Variants in RBM4B observed in about 807,000 individuals in gnomAD.
RBM4B encodes the protein RNA binding motif protein 4B, also known as RNA-binding protein 4B.
RBM4B carries 13 observed loss-of-function variants against 28.5 expected under a neutral mutation model. The observed-to-expected ratio is 0.46, with a 90% CI of 0.30 to 0.72. The LOEUF (loss-of-function observed/expected upper bound fraction) is 0.72. RBM4B is among the 30% of genes least tolerant of loss of function. The probability of loss-of-function intolerance (pLI) is 0.09; values close to 1 mark genes in which losing one functional copy is unlikely to be tolerated. For synonymous variants in RBM4B, 167 were observed against 179.1 expected (o/e 0.93, Z 0.54); for missense variants, 387 against 477.6 (o/e 0.81, Z 1.77).
intron 3 of RBM4B, chr11:66,666,772 AAC>A (rs1590878956): frequency 1.3e-5 from 2 of 152,208 alleles, no homozygotes; most frequent in Admixed American, 1.3e-4. Flanking sequence ...TTCACACATA[AAC>A]ACAGACTAGC....
Position 66,668,872 on chromosome 11 carries a change from T to C in RBM4B, c.832A>G (p.Asn278Asp), listed in dbSNP as rs1366385159. The C allele has an allele frequency of 1.2e-6, 2 of 1,614,030 alleles. No individual in the cohort carries two copies. The highest frequency in any genetic ancestry group is 2.7e-5 in the African/African-American group (2 of 74,924). Reference protein sequence around the residue: ...VDPYDRHLLPNSGAAATSAAM... With the variant: ...VDPYDRHLLPDSGAAATSAAM... Reference sequence around the variant, plus strand: ...GCTGAAGTGGCAGCAGCGCCAGAGTTTGGCAATAGGTGTCTGTCATAGGGA... The same window carrying C: ...GCTGAAGTGGCAGCAGCGCCAGAGTCTGGCAATAGGTGTCTGTCATAGGGA... The change falls in exon 3 of 4, where the codon AAC becomes GAC. Residue 278 changes from asparagine to aspartate, a missense_variant. Transcript: ENST00000310046.
Position 66,665,564 on chromosome 11 carries a change from C to G in RBM4B, c.*24G>C. 2 of 1,534,944 alleles carry G rather than the reference C, an allele frequency of 1.3e-6. No homozygotes were observed. Among genetic ancestry groups the G allele is most frequent in the South Asian group, 2.4e-5 (2 of 84,018 alleles). ...TATGACCGCAGCCCGAGGGTTCAGTCCGCAATTATCCTACCTGAAAGAGAG... is the reference window on the plus strand; with the variant it reads ...TATGACCGCAGCCCGAGGGTTCAGTGCGCAATTATCCTACCTGAAAGAGAG... On this transcript the variant is annotated 3_prime_UTR_variant, in exon 4 of 4. Transcript: ENST00000310046.
At chr11:66,666,421 G>C in intron 3 of RBM4B, 1 of 988,090 alleles carries the variant, frequency 1.0e-6, no homozygotes, top group Non-Finnish European at 1.2e-6. Flanking sequence ...ATTTCATCCT[G>C]GCAGCCTCAT....
chr11:66,676,778 T>C lies in RBM4B; in HGVS notation c.302A>G (p.Tyr101Cys). 7 of 1,614,178 alleles carry C rather than the reference T, an allele frequency of 4.3e-6. No homozygotes were observed. Among genetic ancestry groups the C allele is most frequent in the Non-Finnish European group, 5.1e-6 (6 of 1,180,026 alleles). ...NQELRAKFEE[Y>C]GPVIECDIVK... ...GATGTCACATTCGATGACCGGACCA[T>C]ACTCCTCAAACTTGGCTCGAAGCTC... is the stretch of plus-strand genomic sequence containing the variant. Residue 101 changes from tyrosine to cysteine, a missense_variant, in exon 2 of 4, where the codon TAT becomes TGT. Transcript: ENST00000310046.
Position 66,669,213 on chromosome 11 carries a change from C to A in RBM4B, c.491G>T (p.Arg164Leu), listed in dbSNP as rs145285259. 24 of 1,614,062 alleles carry A rather than the reference C, an allele frequency of 1.5e-5. No individual in the cohort carries two copies. The highest frequency in any genetic ancestry group is 1.6e-4 in the Middle Eastern group (1 of 6,084). ...PGMGDQSGCYRCGKEGHWSKE... is the reference protein window; with the variant it reads ...PGMGDQSGCYLCGKEGHWSKE... The stretch of plus-strand genomic sequence containing the variant: ...GGACCAGTGCCCTTCTTTCCCACAC[C>A]GATAGCAGCCACTCTGGTCTCCCAT... The change falls in exon 3 of 4, where the codon CGG becomes CTG. Residue 164 changes from arginine to leucine, a missense_variant. Physicochemically the swap from Arg to Leu is moderately radical, Grantham distance 102. Transcript: ENST00000310046.
rs1228825759 is a variant in RBM4B, at chr11:66,665,508, C to A, written c.*80G>T. 2 of 1,219,644 alleles carry A rather than the reference C, an allele frequency of 1.6e-6. No individual in the cohort carries two copies. The highest frequency in any genetic ancestry group is 1.2e-6 in the Non-Finnish European group (1 of 858,692). 75.6% of individuals were successfully genotyped at this position (1,219,644 alleles called of 1,614,324 possible). ...ACATGAAGCAATGGAAACATCCCGGCAAAGGGGACCGCGCGGAGCAAGTTC... is the reference window on the plus strand; with the variant it reads ...ACATGAAGCAATGGAAACATCCCGGAAAAGGGGACCGCGCGGAGCAAGTTC... On this transcript the variant is annotated 3_prime_UTR_variant, in exon 4 of 4. Coordinates refer to ENST00000310046, the MANE Select transcript of RBM4B (RefSeq NM_031492.4).
At position 66,676,801 on chromosome 11, in the gene RBM4B, C is replaced by A. The variant is rs1418904369; in HGVS notation, c.279G>T (p.Glu93Asp). ...CATACTCCTCAAACTTGGCTCGAAG[C>A]TCTTGGTTGGTACAAGTGGGGCTGA... Reference protein sequence around the residue: ...GNISPTCTNQELRAKFEEYGP... With the variant: ...GNISPTCTNQDLRAKFEEYGP... Residue 93 changes from glutamate to aspartate, a missense_variant, in exon 2 of 4, where the codon GAG (glutamate) becomes GAT (aspartate). Coordinates refer to ENST00000310046, the MANE Select transcript of RBM4B (RefSeq NM_031492.4). The A allele has an allele frequency of 6.2e-7, 1 of 1,614,178 alleles. No individual in the cohort carries two copies. The highest frequency in any genetic ancestry group is 2.2e-5 in the East Asian group (1 of 44,882).
At chr11:66,668,412 T>A in intron 3 of RBM4B, 1 of 516,392 alleles carries the variant, frequency 1.9e-6, no homozygotes. Context: ...AAGGAACAAG[T>A]TGGTTGGAGT....
At chr11:66,666,461 C>G in intron 3 of RBM4B, 3 of 987,482 alleles carry the variant, frequency 3.0e-6, no homozygotes, top group Non-Finnish European at 2.4e-6. Flanking sequence ...CTGCAACCAA[C>G]TCAGGGTTAT....
At chr11:66,674,454 T>C (rs1294475073) in intron 2 of RBM4B, among the ~76,000 whole-genome samples, 1 of 151,964 alleles carries the variant, frequency 6.6e-6, no homozygotes, top group Non-Finnish European at 1.5e-5. Context: ...GGACTCAATC[T>C]CTGACCTCGT....
intron 3 of RBM4B, 154 bp from the exon 4 acceptor site, chr11:66,665,732 A>G (rs985041763): frequency 1.2e-5 from 16 of 1,363,592 alleles, no homozygotes; most frequent in Non-Finnish European, 1.5e-5. Context: ...ATCCCATGTA[A>G]TTACCTAGGA....
chr11:66,671,041 G>C, intron 2 of RBM4B: 1 of 702,450 alleles, frequency 1.4e-6, no homozygotes, highest in Middle Eastern at 2.3e-4. Context: ...CACTGACCCT[G>C]AGAGGGGAGC....
intron 3 of RBM4B, chr11:66,665,980 C>T (rs766061768): frequency 9.4e-5 from 140 of 1,489,046 alleles, no homozygotes; most frequent in South Asian, 4.4e-4. Flanking sequence ...TCATATATGG[C>T]GAATTGCACT....
intron 2 of RBM4B, among the ~76,000 whole-genome samples, chr11:66,671,478 C>T (rs1445494118): frequency 6.6e-6 from 1 of 152,082 alleles, no homozygotes; most frequent in Non-Finnish European, 1.5e-5. Context: ...GTCAGAGTGA[C>T]CATGACAGTC....
chr11:66,673,689 C>T (rs763007873), intron 2 of RBM4B, among the ~76,000 whole-genome samples: 2 of 152,166 alleles, frequency 1.3e-5, no homozygotes, highest in Non-Finnish European at 2.9e-5. Flanking sequence ...GAACTCCTGA[C>T]CTTAGGTGAT....
Position 66,665,200 on chromosome 11 carries a change from T to G in RBM4B, c.*388A>C. On this transcript the variant is annotated 3_prime_UTR_variant, in exon 4 of 4. Coordinates refer to ENST00000310046, the MANE Select transcript of RBM4B (RefSeq NM_031492.4). ...TAAGAGTCCAGAGCTAACAGAAGAG[T>G]AAAAGGCTGCTTGCCACTACATGGT... 4.2e-6 allele frequency: 1 copy of G among 235,558 alleles called. No homozygotes were observed. 14.6% of individuals were successfully genotyped at this position (235,558 alleles called of 1,614,324 possible).
At chr11:66,676,251 A>G (rs528926235) in intron 2 of RBM4B, 15 of 233,462 alleles carry the variant, frequency 6.4e-5, no homozygotes, top group Non-Finnish European at 1.1e-4. Context: ...TATCCACCCA[A>G]AGCAGTAAAG....
intron 2 of RBM4B, among the ~76,000 whole-genome samples, chr11:66,672,514 G>C (rs1371706409): frequency 3.3e-5 from 5 of 150,758 alleles, no homozygotes; most frequent in Non-Finnish European, 7.4e-5. Context: ...TTGGGGGGGG[G>C]GGACAGATTC....
chr11:66,673,534 A>T (rs1359656512), intron 2 of RBM4B, among the ~76,000 whole-genome samples: 2 of 152,188 alleles, frequency 1.3e-5, no homozygotes, highest in African/African-American at 4.8e-5. Context: ...GTCTTGACTC[A>T]CTGCAACCTC....
Sources: gnomAD v4.1 joint callset for allele counts (sites outside exome capture counted in the v4.1 genomes callset) on GRCh38, gnomAD v4.1.1 for gene constraint, MANE v1.5 for transcripts, NCBI Gene and HGNC (gene_info 2026-07-23, HGNC 2026-07-21) for gene names.